CCDC71L: variants seen among roughly 807,000 people sequenced by gnomAD.
The protein encoded by CCDC71L is coiled-coil domain-containing protein 71L.
Under a neutral mutation model 10.2 loss-of-function variants are expected in CCDC71L, and 6 were observed. The observed-to-expected ratio is 0.59, with a 90% CI of 0.32 to 1.16. The LOEUF (loss-of-function observed/expected upper bound fraction) is 1.16. Among genes scored for constraint, CCDC71L ranks in the 50% most tolerant of loss-of-function variants. The pLI, the probability that CCDC71L is intolerant of heterozygous loss-of-function variation, is 0.05. For synonymous variants in CCDC71L, 204 were observed against 175.5 expected, an observed-to-expected ratio of 1.16 and a Z score of -1.28; for missense variants, 366 against 383.4, an observed-to-expected ratio of 0.95 and a Z score of 0.38.
In CCDC71L at chr7:106,656,999, T is replaced by C. The variant is rs1254934201; in HGVS notation, c.*3190A>G. Reference sequence around the variant, plus strand: ...AAACCATTAAAGAGTCCTGTGGCAATCCTTAAAACAATGAAAAACTTTTGA... The same window carrying C: ...AAACCATTAAAGAGTCCTGTGGCAACCCTTAAAACAATGAAAAACTTTTGA... On this transcript the variant is annotated 3_prime_UTR_variant, in exon 1 of 1. Transcript: ENST00000523505. 6.6e-6 allele frequency: 1 copy of C among 152,216 alleles called. No homozygotes were observed. The highest frequency in any genetic ancestry group is 1.5e-5 in the Non-Finnish European group (1 of 68,034). The allele number at this position is 152,216 out of a possible 1,614,324, so 9.4% of individuals were successfully genotyped here.
Position 106,660,058 on chromosome 7 carries a change from G to C in CCDC71L, c.*131C>G. 2.4e-6 allele frequency: 3 copies of C among 1,232,340 alleles called. No homozygotes were observed. Among genetic ancestry groups the C allele is most frequent in the Non-Finnish European group, 3.2e-6 (3 of 946,844 alleles). The allele number at this position is 1,232,340 out of a possible 1,614,324, so 76.3% of individuals were successfully genotyped here. On this transcript the variant is annotated 3_prime_UTR_variant, in exon 1 of 1. Coordinates refer to ENST00000523505, the MANE Select transcript of CCDC71L (RefSeq NM_175884.6). The surrounding 1 kb of genome is among the most constrained non-coding windows in gnomAD (Gnocchi z 7.5). ...GGGACAACCATCCGGCAACTTCTTC[G>C]CGCGTAAAGTGCATTGGGGGCCGGG...
Position 106,660,998 on chromosome 7 carries a change from C to G in CCDC71L, c.-102G>C. On this transcript the variant is annotated 5_prime_UTR_variant, in exon 1 of 1. Coordinates refer to ENST00000523505, the MANE Select transcript of CCDC71L (RefSeq NM_175884.6). The surrounding 1 kb of genome is among the most constrained non-coding windows in gnomAD (Gnocchi z 7.5). ...GGCGGCGGCTGCTGCTGGCGTCTCT[C>G]GCTACTTTTCTCGCCTCCGCCGCCG... is the stretch of plus-strand genomic sequence containing the variant. 13 of 1,285,838 alleles carry G rather than the reference C, an allele frequency of 1.0e-5. No homozygotes were observed. Among genetic ancestry groups the G allele is most frequent in the East Asian group, 3.2e-5 (1 of 31,124 alleles). The allele number at this position is 1,285,838 out of a possible 1,614,324, so 79.7% of individuals were successfully genotyped here. A position where few individuals can be genotyped will look rare whatever the true frequency, so the allele number is the denominator to read the frequency against.
rs1792562860 is a variant in CCDC71L at position 106,660,152 on chromosome 7, G to C, written c.*37C>G. 2 of 1,487,660 alleles carry C rather than the reference G, an allele frequency of 1.3e-6. No homozygotes were observed. The highest frequency in any genetic ancestry group is 1.5e-5 in the African/African-American group (1 of 68,638). The allele number at this position is 1,487,660 out of a possible 1,614,324, so 92.2% of individuals were successfully genotyped here. ...CCTCCGGGCGGAAGGCCTGTCCCAA[G>C]GTCGGGGCCGGCAGGAGGCGCCCTG... On this transcript the variant is annotated 3_prime_UTR_variant, in exon 1 of 1. Transcript: ENST00000523505. The surrounding 1 kb of genome is among the most constrained non-coding windows in gnomAD (Gnocchi z 7.5).
At position 106,660,231 on chromosome 7, in the gene CCDC71L, T is replaced by C. The variant is rs927960264; in HGVS notation, c.666A>G (p.Glu222=). The C allele has an allele frequency of 2.5e-6, 4 of 1,577,858 alleles. No individual in the cohort carries two copies. Among genetic ancestry groups the C allele is most frequent in the African/African-American group, 1.4e-5 (1 of 72,244 alleles). The change falls in exon 1 of 1, where the codon GAA becomes GAG. Residue 222 remains glutamate (E), a synonymous_variant. Transcript: ENST00000523505. The surrounding 1 kb of genome is among the most constrained non-coding windows in gnomAD (Gnocchi z 7.5). ...RARQVLRVNL[E]PMVRLRRFPV... ...GGAAGCGGCGGAGCCTCACCATGGG[T>C]TCCAGGTTCACTCGCAGGACCTGGC...
chr7:106,659,884 G>C lies in CCDC71L; in HGVS notation c.*305C>G. 2.8e-6 allele frequency: 1 copy of C among 351,200 alleles called. No individual in the cohort carries two copies. The highest frequency in any genetic ancestry group is 4.7e-5 in the East Asian group (1 of 21,108). 21.8% of individuals were successfully genotyped at this position (351,200 alleles called of 1,614,324 possible). ...AGTGAGAAAACGGATCTGCCCCTAA[G>C]GTCCTGGAGACGTCTCAATCGGTGG... On this transcript the variant is annotated 3_prime_UTR_variant, in exon 1 of 1. Transcript: ENST00000523505.
At position 106,660,296 on chromosome 7, in the gene CCDC71L, AC is replaced by A; in HGVS notation, c.600del (p.Trp201GlyfsTer19). ...TFPTIRVGSDVWGERSLAAAR... is the reference protein window; with the variant it reads ...TFPTIRVGSDXWGERSLAAAR... ...GCTGCCGCCAGGCTGCGCTCGCCCC[AC>A]ACGTCGCTGCCGACGCGGATGGTGG... On this transcript the variant is annotated frameshift_variant, in exon 1 of 1. Transcript: ENST00000523505. LOFTEE classifies it high-confidence loss of function. The surrounding 1 kb of genome is among the most constrained non-coding windows in gnomAD (Gnocchi z 7.5). 6.4e-7 allele frequency: 1 copy of A among 1,554,650 alleles called. No homozygotes were observed.
At position 106,661,020 on chromosome 7, in the gene CCDC71L, G is replaced by T; in HGVS notation, c.-124C>A. On this transcript the variant is annotated 5_prime_UTR_variant, in exon 1 of 1. Transcript: ENST00000523505. ...TCTCGCTACTTTTCTCGCCTCCGCC[G>T]CCGCCCCTCCCCCTCCGAGGGCGGA... is the stretch of plus-strand genomic sequence containing the variant. 8.0e-7 allele frequency: 1 copy of T among 1,255,576 alleles called. No homozygotes were observed. Among genetic ancestry groups the T allele is most frequent in the Non-Finnish European group, 1.0e-6 (1 of 989,102 alleles). 77.8% of individuals were successfully genotyped at this position (1,255,576 alleles called of 1,614,324 possible). A position where few individuals can be genotyped will look rare whatever the true frequency, so the allele number is the denominator to read the frequency against.
In CCDC71L at chr7:106,655,689, G is replaced by A. The variant is rs1792478298; in HGVS notation, c.*4500C>T. 6.6e-6 allele frequency among the ~76,000 whole-genome samples: 1 copy of A among 151,790 alleles called. No individual in the cohort carries two copies. Among genetic ancestry groups the A allele is most frequent in the Non-Finnish European group, 1.5e-5 (1 of 67,996 alleles). The stretch of plus-strand genomic sequence containing the variant: ...TAACAGTACATTCAAATGTCTTATA[G>A]AGATATAACAAAAGAAGATGTGAAT... On this transcript the variant is annotated 3_prime_UTR_variant, in exon 1 of 1. Transcript: ENST00000523505.
At position 106,655,905 on chromosome 7, in the gene CCDC71L, C is replaced by A. The variant is rs1423752804; in HGVS notation, c.*4284G>T. On this transcript the variant is annotated 3_prime_UTR_variant, in exon 1 of 1. Transcript: ENST00000523505. ...CAATATTCTTGGGATGCTGAGAAAC[C>A]TGGAGAGCTAAACTCACAACGGACC... is the stretch of plus-strand genomic sequence containing the variant. Among the ~76,000 whole-genome samples, 1 of 152,174 alleles carries A rather than the reference C, an allele frequency of 6.6e-6. No homozygotes were observed. The highest frequency in any genetic ancestry group is 2.4e-5 in the African/African-American group (1 of 41,448).
In CCDC71L at chr7:106,660,167, G is replaced by A; in HGVS notation, c.*22C>T. 1.3e-6 allele frequency: 2 copies of A among 1,512,030 alleles called. No homozygotes were observed. The highest frequency in any genetic ancestry group is 1.8e-6 in the Non-Finnish European group (2 of 1,141,302). The allele number at this position is 1,512,030 out of a possible 1,614,324, so 93.7% of individuals were successfully genotyped here. A position where few individuals can be genotyped will look rare whatever the true frequency, so the allele number is the denominator to read the frequency against. ...CCTGTCCCAAGGTCGGGGCCGGCAG[G>A]AGGCGCCCTGGAGGCCGCACCTCAT... On this transcript the variant is annotated 3_prime_UTR_variant, in exon 1 of 1. Coordinates refer to ENST00000523505, the MANE Select transcript of CCDC71L (RefSeq NM_175884.6). The surrounding 1 kb of genome is among the most constrained non-coding windows in gnomAD (Gnocchi z 7.5).
rs940080104 is a variant in CCDC71L, at chr7:106,654,780, T to G, written c.*5409A>C. On this transcript the variant is annotated 3_prime_UTR_variant, in exon 1 of 1. Transcript: ENST00000523505. ...TTATGAAAATTCATCAAACTGTACG[T>G]TTATATGTACTTTTTATACATTTGT... 2.2e-4 allele frequency among the ~76,000 whole-genome samples: 33 copies of G among 152,128 alleles called. No homozygotes were observed. Among genetic ancestry groups the G allele is most frequent in the African/African-American group, 8.0e-4 (33 of 41,442 alleles).
rs777204213 is a variant in CCDC71L, at chr7:106,657,380, A to T, written c.*2809T>A. ...CAGGAATTAAAAATCAAATAAAAGC[A>T]TAGCGAGGTGATGAATTTCCTCCTG... is the stretch of plus-strand genomic sequence containing the variant. On this transcript the variant is annotated 3_prime_UTR_variant, in exon 1 of 1. Transcript: ENST00000523505. 1 of 152,220 alleles carries T rather than the reference A, an allele frequency of 6.6e-6. No homozygotes were observed. The highest frequency in any genetic ancestry group is 1.5e-5 in the Non-Finnish European group (1 of 68,026). 9.4% of individuals were successfully genotyped at this position (152,220 alleles called of 1,614,324 possible). A position where few individuals can be genotyped will look rare whatever the true frequency, so the allele number is the denominator to read the frequency against.
At position 106,659,308 on chromosome 7, in the gene CCDC71L, T is replaced by C. The variant is rs1792545997; in HGVS notation, c.*881A>G. 1.3e-5 allele frequency: 2 copies of C among 152,268 alleles called. No homozygotes were observed. The highest frequency in any genetic ancestry group is 2.9e-5 in the Non-Finnish European group (2 of 68,034). 9.4% of individuals were successfully genotyped at this position (152,268 alleles called of 1,614,324 possible). ...TCCAGTCGGATTCCAGTGACTCCTGTAACCAAAACCAGTTCTTCACAATTT... is the reference window on the plus strand; with the variant it reads ...TCCAGTCGGATTCCAGTGACTCCTGCAACCAAAACCAGTTCTTCACAATTT... On this transcript the variant is annotated 3_prime_UTR_variant, in exon 1 of 1. Transcript: ENST00000523505.
Position 106,661,092 on chromosome 7 carries a change from G to GC in CCDC71L, c.-197dup, listed in dbSNP as rs1382940803. ...TGCCCGGTACAAGATGGCGGCCGGC[G>GC]CCCACCCCTGGGCTTTGTCATTGGA... On this transcript the variant is annotated 5_prime_UTR_variant, in exon 1 of 1. An upstream open reading frame in the 5' UTR loses its in-frame stop. Transcript: ENST00000523505. 2.8e-6 allele frequency: 2 copies of GC among 723,110 alleles called. No homozygotes were observed. The highest frequency in any genetic ancestry group is 7.2e-5 in the East Asian group (2 of 27,880). 44.8% of individuals were successfully genotyped at this position (723,110 alleles called of 1,614,324 possible).
In CCDC71L at chr7:106,655,031, T is replaced by C. The variant is rs12667081; in HGVS notation, c.*5158A>G. Reference sequence around the variant, plus strand: ...AGTTTTGGATTCAGTAGACTACTTATTCAAATTTTCTGGGCTAAACATAGT... The same window carrying C: ...AGTTTTGGATTCAGTAGACTACTTACTCAAATTTTCTGGGCTAAACATAGT... On this transcript the variant is annotated 3_prime_UTR_variant, in exon 1 of 1. Coordinates refer to ENST00000523505, the MANE Select transcript of CCDC71L (RefSeq NM_175884.6). Among the ~76,000 whole-genome samples the C allele has an allele frequency of 0.26, 39,869 of 152,066 alleles. 6,051 individuals carry two copies. Among genetic ancestry groups the C allele is most frequent in the Admixed American group, 0.38 (5,782 of 15,260 alleles).
At position 106,656,848 on chromosome 7, in the gene CCDC71L, CAA is replaced by C. The variant is rs1353485337; in HGVS notation, c.*3339_*3340del. The stretch of plus-strand genomic sequence containing the variant: ...TTATAAATCTCAACCATAAGCACAT[CAA>C]ACTGTCCAGGGAAACACTTTGATTC... On this transcript the variant is annotated 3_prime_UTR_variant, in exon 1 of 1. Transcript: ENST00000523505. The C allele has an allele frequency of 6.6e-6, 1 of 152,120 alleles. No individual in the cohort carries two copies. The highest frequency in any genetic ancestry group is 1.5e-5 in the Non-Finnish European group (1 of 67,992). The allele number at this position is 152,120 out of a possible 1,614,324, so 9.4% of individuals were successfully genotyped here. A position where few individuals can be genotyped will look rare whatever the true frequency, so the allele number is the denominator to read the frequency against.
At position 106,659,417 on chromosome 7, in the gene CCDC71L, TAAACA is replaced by T. The variant is rs1313762336; in HGVS notation, c.*767_*771del. Reference sequence around the variant, plus strand: ...AAGAATTTAACAAGTTAACTTTTCCTAAACAAAAGTTTTCATGTGTATTCTACCAT... The same window carrying T: ...AAGAATTTAACAAGTTAACTTTTCCTAAAGTTTTCATGTGTATTCTACCAT... On this transcript the variant is annotated 3_prime_UTR_variant, in exon 1 of 1. Transcript: ENST00000523505. The T allele has an allele frequency of 1.3e-5, 2 of 152,618 alleles. No individual in the cohort carries two copies. The highest frequency in any genetic ancestry group is 1.9e-4 in the East Asian group (1 of 5,198). 9.5% of individuals were successfully genotyped at this position (152,618 alleles called of 1,614,324 possible). A position where few individuals can be genotyped will look rare whatever the true frequency, so the allele number is the denominator to read the frequency against.
In CCDC71L at chr7:106,660,137, G is replaced by A; in HGVS notation, c.*52C>T. 2 of 1,452,806 alleles carry A rather than the reference G, an allele frequency of 1.4e-6. No homozygotes were observed. 90.0% of individuals were successfully genotyped at this position (1,452,806 alleles called of 1,614,324 possible). ...TGACACTTGTTCATTCCTCCGGGCG[G>A]AAGGCCTGTCCCAAGGTCGGGGCCG... is the stretch of plus-strand genomic sequence containing the variant. On this transcript the variant is annotated 3_prime_UTR_variant, in exon 1 of 1. Coordinates refer to ENST00000523505, the MANE Select transcript of CCDC71L (RefSeq NM_175884.6). The surrounding 1 kb of genome is among the most constrained non-coding windows in gnomAD (Gnocchi z 7.5).
chr7:106,656,310 C>T lies in CCDC71L; in HGVS notation c.*3879G>A, dbSNP rs1792489021. On this transcript the variant is annotated 3_prime_UTR_variant, in exon 1 of 1. Coordinates refer to ENST00000523505, the MANE Select transcript of CCDC71L (RefSeq NM_175884.6). The stretch of plus-strand genomic sequence containing the variant: ...TGTGCTGTTCACTAATACTCCACTT[C>T]TGCCTTCTAGACTCTAATGAAAATT... Among the ~76,000 whole-genome samples the T allele has an allele frequency of 1.3e-5, 2 of 152,184 alleles. No homozygotes were observed. The highest frequency in any genetic ancestry group is 4.1e-4 in the South Asian group (2 of 4,820).
Sources: gnomAD v4.1 joint callset for allele counts (sites outside exome capture counted in the v4.1 genomes callset) on GRCh38, gnomAD v4.1.1 for gene constraint, Gnocchi (gnomAD v3.1) non-coding constraint, MANE v1.5 for transcripts, NCBI Gene and HGNC (gene_info 2026-07-23, HGNC 2026-07-21) for gene names.